Variants in KAZN observed in about 807,000 individuals in gnomAD.
KAZN encodes kazrin, periplakin interacting protein, also known as kazrin.
KAZN carries 40 observed loss-of-function variants against 87.4 expected under a neutral mutation model. That is an observed-to-expected ratio of 0.46 (90% confidence interval 0.36 to 0.60). The LOEUF (loss-of-function observed/expected upper bound fraction) is 0.60. Among genes scored for constraint, KAZN ranks in the 20% least tolerant of loss-of-function variants. The pLI is 0.00. For synonymous variants in KAZN, 466 were observed against 458.3 expected (o/e 1.02, Z -0.22); for missense variants, 898 against 1,073.9 (o/e 0.84, Z 2.29).
At chr1:14,337,552 A>G (rs1657358688) in intron 2 of KAZN, among the ~76,000 whole-genome samples, 2 of 152,150 alleles carry the variant, frequency 1.3e-5, no homozygotes, top group Admixed American at 6.5e-5. Context: ...CCTTTCCTCC[A>G]TTGTTCCTGT....
intron 2 of KAZN, among the ~76,000 whole-genome samples, chr1:15,019,834 T>C (rs10927631): frequency 0.16 from 23,962 of 152,216 alleles, 2,062 homozygotes; most frequent in Non-Finnish European, 0.19. Flanking sequence ...GCTGTTACTG[T>C]GGTGATTGTT....
chr1:14,384,061 T>G (rs989592752), intron 2 of KAZN, among the ~76,000 whole-genome samples: 1 of 151,946 alleles, frequency 6.6e-6, no homozygotes, highest in Admixed American at 6.6e-5. Context: ...CTAGGTATTT[T>G]ATTCTCTTTG....
chr1:14,838,645 G>C (rs900216354), intron 1 of KAZN, among the ~76,000 whole-genome samples: 28 of 152,164 alleles, frequency 1.8e-4, no homozygotes, highest in Non-Finnish European at 3.7e-4. Flanking sequence ...AGGGGAGACA[G>C]AGTCTCATTC....
chr1:14,522,946 T>C (rs1457828610), intron 2 of KAZN, among the ~76,000 whole-genome samples: 2 of 152,178 alleles, frequency 1.3e-5, no homozygotes, highest in Non-Finnish European at 2.9e-5. Context: ...CCAGAGGGTC[T>C]TTCTCTAGCA....
At chr1:14,511,096 A>C (rs1430197663) in intron 2 of KAZN, among the ~76,000 whole-genome samples, 1 of 128,644 alleles carries the variant, frequency 7.8e-6, no homozygotes, top group African/African-American at 3.0e-5. Context: ...TGGGCTTTAG[A>C]GTTATCTGCG....
chr1:14,863,787 G>A (rs947560507), intron 1 of KAZN, among the ~76,000 whole-genome samples: 2 of 152,120 alleles, frequency 1.3e-5, no homozygotes, highest in African/African-American at 4.8e-5. Flanking sequence ...GCTTGAACTG[G>A]TCCTTGAAGG....
intron 1 of KAZN, among the ~76,000 whole-genome samples, chr1:13,896,543 C>G (rs1351664397): frequency 1.3e-5 from 2 of 152,196 alleles, no homozygotes; most frequent in Non-Finnish European, 2.9e-5. Context: ...CCTTCTGTCT[C>G]AGCCTCCCCA....
chr1:14,068,124 C>A (rs1365552609), intron 1 of KAZN, among the ~76,000 whole-genome samples: 1 of 152,098 alleles, frequency 6.6e-6, no homozygotes, highest in Non-Finnish European at 1.5e-5. Flanking sequence ...TGATGTTCCC[C>A]CCCCCAACAA....
intron 14 of KAZN, chr1:15,114,258 G>A (rs1217791733): frequency 5.9e-6 from 3 of 509,168 alleles, no homozygotes; most frequent in East Asian, 6.6e-5. Flanking sequence ...CCTTCCGGGG[G>A]CAGGGGGACA....
intron 1 of KAZN, among the ~76,000 whole-genome samples, chr1:13,909,529 GTCT>G (rs954406976): frequency 3.9e-4 from 59 of 152,118 alleles, no homozygotes; most frequent in African/African-American, 1.4e-3. Flanking sequence ...CCACAAAATG[GTCT>G]TCTTGCACCC....
intron 2 of KAZN, among the ~76,000 whole-genome samples, chr1:14,244,408 T>C (rs552968688): frequency 6.6e-6 from 1 of 152,356 alleles, no homozygotes; most frequent in Non-Finnish European, 1.5e-5. Context: ...CATTTCCCTG[T>C]TTGGAATCAT....
At chr1:14,300,449 T>C (rs573835788) in intron 2 of KAZN, among the ~76,000 whole-genome samples, 2 of 152,166 alleles carry the variant, frequency 1.3e-5, no homozygotes, top group Admixed American at 1.3e-4. Flanking sequence ...CCAGCCAGGC[T>C]GGTCTCAAAC....
chr1:14,468,093 T>G (rs556904963), intron 2 of KAZN, among the ~76,000 whole-genome samples: 2 of 152,344 alleles, frequency 1.3e-5, no homozygotes, highest in South Asian at 4.1e-4. Flanking sequence ...GAGTGGATAC[T>G]TAGCTGGCTA....
At chr1:14,604,604 A>G (rs562631185) in intron 1 of KAZN, among the ~76,000 whole-genome samples, 9 of 152,326 alleles carry the variant, frequency 5.9e-5, no homozygotes, top group African/African-American at 2.2e-4. Context: ...GCTGCTGGAA[A>G]CATGAAAGAA....
intron 2 of KAZN, among the ~76,000 whole-genome samples, chr1:14,491,658 C>T (rs1452780553): frequency 1.3e-5 from 2 of 152,100 alleles, no homozygotes; most frequent in Non-Finnish European, 2.9e-5. Context: ...TCCTAGCTTT[C>T]AAAGAGGTTT....
At chr1:14,478,904 G>A (rs1003012742) in intron 2 of KAZN, among the ~76,000 whole-genome samples, 8 of 152,200 alleles carry the variant, frequency 5.3e-5, no homozygotes, top group African/African-American at 1.7e-4. Flanking sequence ...AAGAAAACAA[G>A]AGTAGAGAAG....
chr1:14,017,925 C>T (rs1418336370), intron 1 of KAZN, among the ~76,000 whole-genome samples: 1 of 152,142 alleles, frequency 6.6e-6, no homozygotes, highest in Non-Finnish European at 1.5e-5. Flanking sequence ...TGGAGAGCAG[C>T]CAGGGTAATG....
chr1:14,670,299 G>A (rs1639841489), intron 1 of KAZN, among the ~76,000 whole-genome samples: 2 of 152,148 alleles, frequency 1.3e-5, no homozygotes, highest in African/African-American at 2.4e-5. Flanking sequence ...GTCAAAGGCA[G>A]GGGTATTCAA....
intron 2 of KAZN, among the ~76,000 whole-genome samples, chr1:14,530,870 A>G (rs1487126880): frequency 6.6e-6 from 1 of 152,136 alleles, no homozygotes; most frequent in Non-Finnish European, 1.5e-5. Context: ...GGATCACTTG[A>G]ACCCAGGAAT....
Sources: allele counts gnomAD v4.1 joint callset (sites outside exome capture counted in the v4.1 genomes callset), GRCh38; gene constraint gnomAD v4.1.1; transcripts MANE v1.5; gene names NCBI Gene and HGNC (gene_info 2026-07-23, HGNC 2026-07-21).